DCT: variants seen among roughly 807,000 people sequenced by gnomAD.
DCT encodes the protein dopachrome tautomerase.
DCT carries 47 observed loss-of-function variants against 53.0 expected under a neutral mutation model. The ratio of observed to expected loss-of-function variants is 0.89; its 90% CI spans 0.70 to 1.13. The LOEUF (loss-of-function observed/expected upper bound fraction) is 1.13, where lower values mean the gene tolerates loss of function less well. Ranked by LOEUF, DCT falls within the 50% of genes most tolerant of loss-of-function variation. DCT has a pLI of 0.00. For synonymous variants in DCT, 244 were observed against 237.0 expected (o/e 1.03, Z -0.27); for missense variants, 669 against 637.4 (o/e 1.05, Z -0.53).
chr13:94,508,137 G>T, the DCT span, among the ~76,000 whole-genome samples: 1 of 152,198 alleles, frequency 6.6e-6, no homozygotes, highest in Non-Finnish European at 1.5e-5. Context: ...TATTACGTTG[G>T]TGGTAGAAAC....
chr13:94,503,051 G>A, the DCT span, among the ~76,000 whole-genome samples: 3 of 152,178 alleles, frequency 2.0e-5, no homozygotes, highest in African/African-American at 7.2e-5. Context: ...TGGGACCTGT[G>A]AATGTCACTT....
intron 1 of DCT, among the ~76,000 whole-genome samples, chr13:94,477,479 G>A (rs899929165): frequency 9.9e-5 from 15 of 151,912 alleles, no homozygotes; most frequent in African/African-American, 2.9e-4. Context: ...TAGGCACTGG[G>A]GACTGCTAGA....
chr13:94,467,089 A>C (rs1398989008), intron 2 of DCT: 1 of 153,166 alleles, frequency 6.5e-6, no homozygotes, highest in Non-Finnish European at 1.5e-5. Context: ...GGGATTAATT[A>C]ATAATATTGT....
At position 94,443,435 on chromosome 13, in the gene DCT, C is replaced by A. The variant is rs1882484889; in HGVS notation, c.1381+1G>T. On this transcript the variant is annotated splice_donor_variant, in intron 7 of 7. Transcript: ENST00000377028. LOFTEE classifies it high-confidence loss of function. ...ACCCATTTGGAAGTTGTGTTAGTTA[C>A]CTGGCAGATCGATGGCATAGCTGTA... 1.9e-6 allele frequency: 3 copies of A among 1,608,880 alleles called. No individual in the cohort carries two copies. The highest frequency in any genetic ancestry group is 2.2e-5 in the South Asian group (2 of 90,976).
Position 94,479,062 on chromosome 13 carries a change from C to A in DCT, c.194G>T (p.Arg65Leu). ...ACCACTCCAGGGCCTTGTGTCGGCTCGCACCTCTGTGCACTGCCCCCGGCC... is the reference window on the plus strand; with the variant it reads ...ACCACTCCAGGGCCTTGTGTCGGCTAGCACCTCTGTGCACTGCCCCCGGCC... ...QQGRGQCTEV[R>L]ADTRPWSGPY... is the part of the protein sequence containing the mutation. Residue 65 changes from arginine to leucine, a missense_variant, in exon 1 of 8, where the codon CGA becomes CTA. Physicochemically the swap from Arg to Leu is moderately radical, Grantham distance 102. Transcript: ENST00000377028. 1 of 1,614,232 alleles carries A rather than the reference C, an allele frequency of 6.2e-7. No individual in the cohort carries two copies. Among genetic ancestry groups the A allele is most frequent in the Non-Finnish European group, 8.5e-7 (1 of 1,180,046 alleles).
At chr13:94,527,451 A>G in the DCT span, among the ~76,000 whole-genome samples, 1 of 152,130 alleles carries the variant, frequency 6.6e-6, no homozygotes, top group Non-Finnish European at 1.5e-5. Flanking sequence ...AGGCAGCAAT[A>G]TTTGCTGTTC....
the DCT span, among the ~76,000 whole-genome samples, chr13:94,489,938 T>A: frequency 6.6e-6 from 1 of 152,210 alleles, no homozygotes. Context: ...AGATTCTGCT[T>A]AGTCAAATGA....
chr13:94,460,212 C>G lies in DCT; in HGVS notation c.1058G>C (p.Gly353Ala). 1 of 1,613,572 alleles carries G rather than the reference C, an allele frequency of 6.2e-7. No homozygotes were observed. The highest frequency in any genetic ancestry group is 1.7e-5 in the Admixed American group (1 of 59,948). ...CAGAGTCCCATCTGCTTTATCAAAC[C>G]CTTCCAAAGCATTCCTAGGAGAAAC... ...STFSFRNALE[G>A]FDKADGTLDS... Residue 353 changes from glycine (G) to alanine (A), a missense_variant, in exon 6 of 8, where the codon GGG (glycine) becomes GCG (alanine). By Grantham distance (60) the Gly-to-Ala change is moderately conservative (BLOSUM62 0). Transcript: ENST00000377028.
chr13:94,501,254 G>A, the DCT span, among the ~76,000 whole-genome samples: 1 of 151,984 alleles, frequency 6.6e-6, no homozygotes, highest in Non-Finnish European at 1.5e-5. Flanking sequence ...GGGTGACAGA[G>A]CAAGACTCCG....
At chr13:94,464,638 CA>C (rs1315760546) in intron 4 of DCT, among the ~76,000 whole-genome samples, 4 of 145,180 alleles carry the variant, frequency 2.8e-5, no homozygotes, top group Admixed American at 1.4e-4. Context: ...GACTCCATCT[CA>C]AAAAAACAAA....
chr13:94,450,345 C>T (rs1408533605), intron 6 of DCT, among the ~76,000 whole-genome samples: 1 of 152,178 alleles, frequency 6.6e-6, no homozygotes. Flanking sequence ...GCAATAATAG[C>T]ATCTTCCAGG....
the DCT span, among the ~76,000 whole-genome samples, chr13:94,520,482 C>T: frequency 2.6e-5 from 4 of 152,166 alleles, no homozygotes; most frequent in African/African-American, 9.7e-5. Context: ...GACCCTGCGT[C>T]GAAGGGGAAA....
At chr13:94,533,178 G>C in the DCT span, among the ~76,000 whole-genome samples, 470 of 146,750 alleles carry the variant, frequency 3.2e-3, 2 homozygotes, top group African/African-American at 0.011. Flanking sequence ...GGAGAACACC[G>C]TGGTTGAAAG....
At chr13:94,465,907 A>G (rs920055925) in intron 3 of DCT, 108 bp from the exon 4 acceptor site, 1 of 639,414 alleles carries the variant, frequency 1.6e-6, no homozygotes, top group African/African-American at 1.9e-5. Flanking sequence ...CTACCAAGAC[A>G]AAGACTACTG....
At chr13:94,511,760 T>C in the DCT span, among the ~76,000 whole-genome samples, 4 of 151,912 alleles carry the variant, frequency 2.6e-5, no homozygotes, top group African/African-American at 4.8e-5. Flanking sequence ...CTCACCCCAC[T>C]CCATGTTCTC....
chr13:94,462,588 G>A (rs2139330783), intron 4 of DCT, among the ~76,000 whole-genome samples: 1 of 151,910 alleles, frequency 6.6e-6, no homozygotes, highest in Non-Finnish European at 1.5e-5. Flanking sequence ...AATCAATCAG[G>A]GTCACAATCA....
chr13:94,496,072 C>T, the DCT span, among the ~76,000 whole-genome samples: 7 of 152,192 alleles, frequency 4.6e-5, no homozygotes, highest in Admixed American at 2.6e-4. Flanking sequence ...CAACAACATG[C>T]TGATGTTACC....
Position 94,443,607 on chromosome 13 carries a change from C to G in DCT, c.1210G>C (p.Asp404His). ...VLHSFTDAIF[D>H]EWMKRFNPPA... ...GGATTAAATCTTTTCATCCACTCAT[C>G]AAAGATGGCATCAGTAAAGGAATGA... Residue 404 changes from aspartate (D) to histidine (H), a missense_variant, in exon 7 of 8, where the codon GAT (aspartate) becomes CAT (histidine). Transcript: ENST00000377028. The G allele has an allele frequency of 1.2e-6, 2 of 1,613,962 alleles. No individual in the cohort carries two copies. The highest frequency in any genetic ancestry group is 1.7e-6 in the Non-Finnish European group (2 of 1,179,938).
At chr13:94,526,514 T>C in the DCT span, among the ~76,000 whole-genome samples, 1 of 152,240 alleles carries the variant, frequency 6.6e-6, no homozygotes, top group East Asian at 1.9e-4. Context: ...CATGCACTTG[T>C]AGCTACTCGG....
Sources: allele counts gnomAD v4.1 joint callset (sites outside exome capture counted in the v4.1 genomes callset), GRCh38; gene constraint gnomAD v4.1.1; transcripts MANE v1.5; gene names NCBI Gene and HGNC (gene_info 2026-07-23, HGNC 2026-07-21).